The following NPAS3 variants were observed in gnomAD, a reference collection of about 807,000 sequenced individuals.
NPAS3 encodes neuronal PAS domain-containing protein 3.
Under a neutral mutation model 73.1 loss-of-function variants are expected in NPAS3, and 14 were observed. The ratio of observed to expected loss-of-function variants is 0.19; its 90% CI spans 0.13 to 0.30. The LOEUF (loss-of-function observed/expected upper bound fraction) is 0.30. Among genes scored for constraint, NPAS3 ranks in the 10% least tolerant of loss-of-function variants. The probability of loss-of-function intolerance (pLI) is 1.00; values close to 1 mark genes in which losing one functional copy is unlikely to be tolerated. For synonymous variants in NPAS3, 620 were observed against 541.5 expected (o/e 1.14, Z -2.01); for missense variants, 1,096 against 1,250.0 (o/e 0.88, Z 1.86).
chr14:33,154,090 G>C (rs953807353), intron 2 of NPAS3, among the ~76,000 whole-genome samples: 8 of 152,106 alleles, frequency 5.3e-5, no homozygotes, highest in African/African-American at 1.9e-4. Flanking sequence ...AAAAATATAG[G>C]TAGAATTGGC....
chr14:33,300,071 T>G (rs187409281), intron 3 of NPAS3, among the ~76,000 whole-genome samples: 1 of 152,210 alleles, frequency 6.6e-6, no homozygotes, highest in Non-Finnish European at 1.5e-5. Flanking sequence ...TAAAATATGC[T>G]TTGAGTATCT....
chr14:33,274,992 C>A (rs1426956131), intron 3 of NPAS3, among the ~76,000 whole-genome samples: 3 of 152,218 alleles, frequency 2.0e-5, no homozygotes, highest in African/African-American at 7.2e-5. Flanking sequence ...GTTCTCAAAT[C>A]TGAATCATGA....
At chr14:33,255,161 T>C (rs975107129) in intron 3 of NPAS3, among the ~76,000 whole-genome samples, 1 of 152,164 alleles carries the variant, frequency 6.6e-6, no homozygotes, top group African/African-American at 2.4e-5. Context: ...ACATAGCAGG[T>C]TTGGAAATAA....
At chr14:33,709,262 G>A (rs1296815566) in intron 6 of NPAS3, among the ~76,000 whole-genome samples, 2 of 152,294 alleles carry the variant, frequency 1.3e-5, no homozygotes, top group Admixed American at 6.5e-5. Flanking sequence ...GGAGAAAGGT[G>A]GTTGTTCATG....
intron 1 of NPAS3, among the ~76,000 whole-genome samples, chr14:33,033,987 T>C (rs981884242): frequency 2.4e-4 from 36 of 152,338 alleles, no homozygotes; most frequent in African/African-American, 8.7e-4. Context: ...TTATTATAAA[T>C]TGAAGTGATG....
rs776617015 is a variant in NPAS3, at chr14:33,412,053, G to A, written c.468+44785G>A. ...ACTATGTGTCTGCATAGCTTTGCAT[G>A]TTTTTAATCATAGCAGAAACACAAT... On this transcript the variant is annotated intron_variant, in intron 4 of 11. Coordinates refer to ENST00000356141, the Ensembl canonical transcript of NPAS3. Among the ~76,000 whole-genome samples the A allele has an allele frequency of 6.5e-4, 99 of 152,238 alleles. 1 individual carries two copies. Among genetic ancestry groups the A allele is most frequent in the Admixed American group, 1.0e-3 (16 of 15,290 alleles).
chr14:32,994,833 T>C (rs1034215951), intron 1 of NPAS3, among the ~76,000 whole-genome samples: 1 of 152,198 alleles, frequency 6.6e-6, no homozygotes, highest in Non-Finnish European at 1.5e-5. Flanking sequence ...GATTTCGCCA[T>C]GTTGGCCAGG....
At chr14:33,350,919 G>A (rs1242422389) in intron 3 of NPAS3, among the ~76,000 whole-genome samples, 1 of 152,170 alleles carries the variant, frequency 6.6e-6, no homozygotes, top group Non-Finnish European at 1.5e-5. Flanking sequence ...ATCAGGTGAA[G>A]GATCTTCTAC....
chr14:33,023,155 A>G (rs2039671919), intron 1 of NPAS3, among the ~76,000 whole-genome samples: 1 of 152,188 alleles, frequency 6.6e-6, no homozygotes, highest in African/African-American at 2.4e-5. Context: ...GGCTGTCACC[A>G]TCAAATATGG....
At chr14:33,595,903 C>T (rs1056469958) in intron 5 of NPAS3, among the ~76,000 whole-genome samples, 3 of 152,174 alleles carry the variant, frequency 2.0e-5, no homozygotes, top group African/African-American at 4.8e-5. Flanking sequence ...ATCTCCTGAC[C>T]TCGTGATCCG....
chr14:33,219,987 G>A (rs193198022), intron 3 of NPAS3, among the ~76,000 whole-genome samples: 1 of 152,210 alleles, frequency 6.6e-6, no homozygotes, highest in East Asian at 1.9e-4. Context: ...TCATGCTATG[G>A]GGCAAGGGTC....
chr14:33,485,998 G>A (rs1338437876), intron 4 of NPAS3, among the ~76,000 whole-genome samples: 1 of 152,088 alleles, frequency 6.6e-6, no homozygotes, highest in East Asian at 1.9e-4. Context: ...GTGAGCAGGG[G>A]GAGTGGGGGC....
chr14:33,392,048 G>A (rs2047031551), intron 4 of NPAS3, among the ~76,000 whole-genome samples: 1 of 152,094 alleles, frequency 6.6e-6, no homozygotes. Flanking sequence ...TAAAGAAAAT[G>A]GGTTAAAATG....
chr14:33,014,384 G>T (rs1405191873), intron 1 of NPAS3, among the ~76,000 whole-genome samples: 3 of 152,104 alleles, frequency 2.0e-5, no homozygotes, highest in Non-Finnish European at 2.9e-5. Flanking sequence ...TGCTAAAGTT[G>T]TAGAGATACA....
At chr14:33,537,866 G>T (rs540459806) in intron 4 of NPAS3, among the ~76,000 whole-genome samples, 1 of 152,270 alleles carries the variant, frequency 6.6e-6, no homozygotes, top group East Asian at 1.9e-4. Context: ...GGGCTTAAGG[G>T]CCTTATGGAG....
At chr14:33,073,348 A>G (rs1360613085) in intron 2 of NPAS3, among the ~76,000 whole-genome samples, 1 of 152,198 alleles carries the variant, frequency 6.6e-6, no homozygotes, top group African/African-American at 2.4e-5. Context: ...TAGAGTTTAT[A>G]TTAAATTGAG....
chr14:33,250,835 T>G (rs1278775756), intron 3 of NPAS3, among the ~76,000 whole-genome samples: 1 of 152,126 alleles, frequency 6.6e-6, no homozygotes, highest in Non-Finnish European at 1.5e-5. Flanking sequence ...CTCCAAAAAT[T>G]CATGTGCATA....
intron 3 of NPAS3, among the ~76,000 whole-genome samples, chr14:33,302,698 T>G (rs1036165589): frequency 1.3e-5 from 2 of 152,202 alleles, no homozygotes; most frequent in Non-Finnish European, 2.9e-5. Flanking sequence ...TACGTTACGC[T>G]ACATAACTCC....
At chr14:33,220,070 C>T (rs1446970358) in intron 3 of NPAS3, among the ~76,000 whole-genome samples, 3 of 152,154 alleles carry the variant, frequency 2.0e-5, no homozygotes, top group Admixed American at 6.5e-5. Context: ...GACACCCAGC[C>T]GATGACATTC....
Sources: allele counts gnomAD v4.1 joint callset (sites outside exome capture counted in the v4.1 genomes callset), GRCh38; gene constraint gnomAD v4.1.1; transcripts MANE v1.5; gene names NCBI Gene and HGNC (gene_info 2026-07-23, HGNC 2026-07-21).